Variants in ATXN7L1 observed in about 807,000 individuals in gnomAD.
The protein encoded by ATXN7L1 is ataxin 7 like 1.
Under a neutral mutation model 70.8 loss-of-function variants are expected in ATXN7L1, and 15 were observed. That is an observed-to-expected ratio of 0.21 (90% CI 0.14 to 0.33). The LOEUF (loss-of-function observed/expected upper bound fraction) is 0.33. ATXN7L1 is among the 10% of genes least tolerant of loss of function. ATXN7L1 has a pLI of 1.00. For synonymous variants in ATXN7L1, 440 were observed against 445.1 expected (o/e 0.99, Z 0.14); for missense variants, 975 against 1,097.1 (o/e 0.89, Z 1.57).
At chr7:105,766,782 A>T (rs1246669063) in intron 3 of ATXN7L1, among the ~76,000 whole-genome samples, 1 of 152,142 alleles carries the variant, frequency 6.6e-6, no homozygotes, top group East Asian at 1.9e-4. Context: ...AAAGATGACA[A>T]ATTGCTTCTG....
chr7:105,617,987 T>G (rs989964735), intron 9 of ATXN7L1: 4 of 456,624 alleles, frequency 8.8e-6, no homozygotes, highest in African/African-American at 8.0e-5. Context: ...TGCTACGCTC[T>G]CCAGAGTTGA....
intron 8 of ATXN7L1, among the ~76,000 whole-genome samples, chr7:105,621,044 A>G (rs527466288): frequency 2.0e-4 from 31 of 152,276 alleles, no homozygotes; most frequent in African/African-American, 7.5e-4. Flanking sequence ...CTGGTGTCCC[A>G]GGTCCCACCT....
intron 3 of ATXN7L1, among the ~76,000 whole-genome samples, chr7:105,768,087 T>C (rs1339808327): frequency 1.3e-5 from 2 of 152,198 alleles, no homozygotes; most frequent in Non-Finnish European, 2.9e-5. Context: ...TGGCCCCCTC[T>C]CCTCAAACCT....
At chr7:105,766,804 G>C (rs1801317302) in intron 3 of ATXN7L1, among the ~76,000 whole-genome samples, 1 of 152,206 alleles carries the variant, frequency 6.6e-6, no homozygotes, top group African/African-American at 2.4e-5. Context: ...TTTTAAAGGA[G>C]CTGTTCAGGC....
intron 3 of ATXN7L1, among the ~76,000 whole-genome samples, chr7:105,679,784 G>A (rs1805283763): frequency 6.6e-6 from 1 of 152,126 alleles, no homozygotes; most frequent in Non-Finnish European, 1.5e-5. Context: ...GCTGGGAAAA[G>A]AAGGCGGGGG....
intron 3 of ATXN7L1, among the ~76,000 whole-genome samples, chr7:105,673,974 C>T (rs750322262): frequency 2.6e-5 from 4 of 152,176 alleles, no homozygotes; most frequent in Admixed American, 6.5e-5. Flanking sequence ...GGACAGGCTG[C>T]GAATGCAGGC....
intron 7 of ATXN7L1, among the ~76,000 whole-genome samples, chr7:105,629,808 G>A (rs1017202513): frequency 1.3e-5 from 2 of 148,328 alleles, no homozygotes; most frequent in African/African-American, 5.0e-5. Context: ...GTAGGCCTCC[G>A]TGCCCGGTCT....
intron 3 of ATXN7L1, among the ~76,000 whole-genome samples, chr7:105,693,568 C>T (rs140271625): frequency 9.5e-6 from 1 of 105,798 alleles, no homozygotes; most frequent in African/African-American, 3.5e-5. Context: ...TCCATCCATC[C>T]ATCCATCCAT....
intron 2 of ATXN7L1, among the ~76,000 whole-genome samples, chr7:105,829,676 T>A (rs1811334081): frequency 6.6e-6 from 1 of 152,196 alleles, no homozygotes; most frequent in African/African-American, 2.4e-5. Flanking sequence ...AATCATAGAT[T>A]TCAGCATGCA....
intron 4 of ATXN7L1, among the ~76,000 whole-genome samples, chr7:105,660,664 C>T (rs193120021): frequency 0.014 from 1,889 of 138,468 alleles, 17 homozygotes; most frequent in Middle Eastern, 0.061. Context: ...CTCACTGCAA[C>T]CTCCGCCTCC....
chr7:105,692,661 G>A (rs1174017545), intron 3 of ATXN7L1, among the ~76,000 whole-genome samples: 1 of 152,014 alleles, frequency 6.6e-6, no homozygotes, highest in African/African-American at 2.4e-5. Context: ...TGGCCAGGCT[G>A]GTCTCGAACT....
chr7:105,658,623 C>A (rs1801074142), intron 4 of ATXN7L1, among the ~76,000 whole-genome samples: 1 of 151,068 alleles, frequency 6.6e-6, no homozygotes. Flanking sequence ...CTCTGCCTCC[C>A]AGGTTCAAGC....
chr7:105,733,910 TCATCCATCCATCCATCATCCATCATC>T, intron 3 of ATXN7L1, among the ~76,000 whole-genome samples: 1 of 87,446 alleles, frequency 1.1e-5, no homozygotes, highest in Non-Finnish European at 2.3e-5. Flanking sequence ...CCATCATCCA[TCATCCATCCATCCATCATCCATCATC>T]CATCCATCCA....
chr7:105,823,516 GT>G (rs1810447419), intron 2 of ATXN7L1, among the ~76,000 whole-genome samples: 1 of 152,202 alleles, frequency 6.6e-6, no homozygotes, highest in South Asian at 2.1e-4. Flanking sequence ...TATATTGGAA[GT>G]TTTAAGAAGG....
intron 3 of ATXN7L1, among the ~76,000 whole-genome samples, chr7:105,687,424 C>T (rs1193111834): frequency 6.6e-6 from 1 of 151,992 alleles, no homozygotes; most frequent in Non-Finnish European, 1.5e-5. Context: ...AGGATGGGGC[C>T]CTAATCCAAT....
intron 3 of ATXN7L1, among the ~76,000 whole-genome samples, chr7:105,673,678 C>T (rs1039134690): frequency 1.3e-5 from 2 of 152,206 alleles, no homozygotes. Flanking sequence ...GGGCTGGCAC[C>T]TTGGCACTGG....
rs554831722 is a variant in ATXN7L1 at position 105,816,919 on chromosome 7, G to A, written c.251-28211C>T. ...TTATCAGTAATTTACCCCAGCAGGT[G>A]GGGTTCATGGTGAAAGTCAGTCAAG... On this transcript the variant is annotated intron_variant, in intron 2 of 11. Transcript: ENST00000419735. Among the ~76,000 whole-genome samples the A allele has an allele frequency of 2.6e-5, 4 of 152,348 alleles. No individual in the cohort carries two copies. The East Asian group carries it at 7.7e-4, about 29-fold the overall frequency.
intron 2 of ATXN7L1, among the ~76,000 whole-genome samples, chr7:105,871,289 T>C (rs139756952): frequency 1.0e-3 from 154 of 152,248 alleles, no homozygotes; most frequent in African/African-American, 3.6e-3. Context: ...TAGATCAAAA[T>C]GTAGGAAGCT....
chr7:105,677,642 C>T (rs1042372253), intron 3 of ATXN7L1, among the ~76,000 whole-genome samples: 50 of 152,284 alleles, frequency 3.3e-4, no homozygotes, highest in African/African-American at 1.2e-3. Flanking sequence ...TCATGGGAGA[C>T]GCTTAACATT....
Sources: allele counts gnomAD v4.1 joint callset (sites outside exome capture counted in the v4.1 genomes callset), GRCh38; gene constraint gnomAD v4.1.1; transcripts MANE v1.5; gene names NCBI Gene and HGNC (gene_info 2026-07-23, HGNC 2026-07-21).